LCMT1: variants seen among roughly 807,000 people sequenced by gnomAD.
The protein encoded by LCMT1 is [Phosphatase 2A protein]-leucine-carboxy methyltransferase 1.
In LCMT1, 32 loss-of-function variants were observed where a neutral mutation model predicts 47.7. The ratio of observed to expected loss-of-function variants is 0.67; its 90% confidence interval spans 0.51 to 0.90. The LOEUF is 0.90. Ranked by LOEUF, LCMT1 falls within the 40% of genes least tolerant of loss-of-function variation. The pLI, the probability that LCMT1 is intolerant of heterozygous loss-of-function variation, is 0.00. For missense variants in LCMT1, 375 were observed against 415.2 expected (o/e 0.90, Z 0.84); for synonymous variants, 152 against 149.7 (o/e 1.02, Z -0.11).
intron 9 of LCMT1, among the ~76,000 whole-genome samples, chr16:25,174,579 G>A (rs571793323): frequency 1.3e-5 from 2 of 152,248 alleles, no homozygotes; most frequent in South Asian, 4.1e-4. Context: ...GCTGCATAGT[G>A]TCCTGTTTTG....
chr16:25,135,903 C>G (rs1960489342), intron 3 of LCMT1, among the ~76,000 whole-genome samples: 1 of 151,862 alleles, frequency 6.6e-6, no homozygotes, highest in Non-Finnish European at 1.5e-5. Context: ...CCAGCCTGGG[C>G]ATCATGACAA....
chr16:25,139,047 C>T (rs1960593231), intron 3 of LCMT1, among the ~76,000 whole-genome samples: 1 of 152,060 alleles, frequency 6.6e-6, no homozygotes, highest in Non-Finnish European at 1.5e-5. Flanking sequence ...TCAAGCAATT[C>T]TCCTGCCTCA....
intron 3 of LCMT1, among the ~76,000 whole-genome samples, chr16:25,139,306 A>G (rs1960603839): frequency 6.6e-6 from 1 of 151,966 alleles, no homozygotes; most frequent in Non-Finnish European, 1.5e-5. Flanking sequence ...GGTTTGAGCC[A>G]CTCCAGCTCC....
intron 7 of LCMT1, among the ~76,000 whole-genome samples, chr16:25,165,379 T>A (rs1179014858): frequency 6.6e-6 from 1 of 152,240 alleles, no homozygotes; most frequent in African/African-American, 2.4e-5. Flanking sequence ...TGGCCCTGGC[T>A]TGTGCTCTCA....
intron 7 of LCMT1, among the ~76,000 whole-genome samples, chr16:25,165,322 C>A (rs1961554517): frequency 6.6e-6 from 1 of 152,126 alleles, no homozygotes. Flanking sequence ...TGATTTATTG[C>A]AGAAAAAGTT....
intron 1 of LCMT1, among the ~76,000 whole-genome samples, chr16:25,119,073 C>G (rs1226929022): frequency 1.3e-5 from 2 of 152,182 alleles, no homozygotes; most frequent in African/African-American, 4.8e-5. Flanking sequence ...CCCTGTGAGA[C>G]AGGCTGGTGC....
intron 10 of LCMT1, among the ~76,000 whole-genome samples, chr16:25,177,160 A>G (rs1009502158): frequency 1.4e-4 from 18 of 132,886 alleles, no homozygotes; most frequent in Non-Finnish European, 2.8e-4. Context: ...AGCCTGGGCA[A>G]CAGAGCGCGA....
At chr16:25,119,996 T>TA (rs1456629758) in intron 1 of LCMT1, among the ~76,000 whole-genome samples, 2 of 151,566 alleles carry the variant, frequency 1.3e-5, no homozygotes, top group Admixed American at 1.3e-4. Context: ...CCGTCTCTAC[T>TA]AAAAATACAA....
chr16:25,172,861 T>G (rs889465796), intron 9 of LCMT1, among the ~76,000 whole-genome samples: 3 of 152,174 alleles, frequency 2.0e-5, no homozygotes, highest in African/African-American at 7.2e-5. Flanking sequence ...GCCCCTGAAA[T>G]GGGGATGCTC....
intron 5 of LCMT1, among the ~76,000 whole-genome samples, chr16:25,155,960 G>A (rs1259166625): frequency 6.6e-6 from 1 of 152,172 alleles, no homozygotes; most frequent in Non-Finnish European, 1.5e-5. Context: ...GATTAAGGGC[G>A]TGAGCCCCCG....
chr16:25,148,611 G>A (rs1008875608), intron 4 of LCMT1: 3 of 152,456 alleles, frequency 2.0e-5, no homozygotes, highest in African/African-American at 7.2e-5. Flanking sequence ...AAAGGAAGAA[G>A]GAAAAAGACA....
At chr16:25,139,033 G>T (rs1018045865) in intron 3 of LCMT1, among the ~76,000 whole-genome samples, 1 of 151,862 alleles carries the variant, frequency 6.6e-6, no homozygotes, top group Non-Finnish European at 1.5e-5. Context: ...TCCGTTTCCC[G>T]GGTTCAAGCA....
chr16:25,152,175 T>C (rs1393258032), intron 5 of LCMT1, among the ~76,000 whole-genome samples: 2 of 152,138 alleles, frequency 1.3e-5, no homozygotes, highest in Non-Finnish European at 2.9e-5. Context: ...GAAGGAATGC[T>C]GGTTGACCAT....
intron 9 of LCMT1, 90 bp from the exon 10 acceptor site, chr16:25,174,847 A>G (rs1961880323): frequency 8.8e-6 from 5 of 568,814 alleles, no homozygotes; most frequent in Non-Finnish European, 1.5e-5. Flanking sequence ...TTAATCTATC[A>G]TAAACATTTT....
intron 2 of LCMT1, chr16:25,132,079 C>G: frequency 2.4e-6 from 1 of 425,234 alleles, no homozygotes; most frequent in South Asian, 1.9e-5. Context: ...TTCATTATAG[C>G]CATGAAAGGC....
intron 3 of LCMT1, among the ~76,000 whole-genome samples, chr16:25,138,359 G>T (rs80306444): frequency 6.6e-6 from 1 of 152,142 alleles, no homozygotes; most frequent in Admixed American, 6.5e-5. Flanking sequence ...GAGGAGTGAA[G>T]GGATTCCAGA....
intron 9 of LCMT1, among the ~76,000 whole-genome samples, chr16:25,172,523 CT>C (rs1159278073): frequency 6.6e-6 from 1 of 152,092 alleles, no homozygotes; most frequent in Non-Finnish European, 1.5e-5. Flanking sequence ...CACTTCAGCT[CT>C]TTTTTTTGTA....
At position 25,121,226 on chromosome 16, in the gene LCMT1, A is replaced by G. The variant is rs796897929; in HGVS notation, c.114-7249A>G. On this transcript the variant is annotated intron_variant, in intron 1 of 10. Coordinates refer to ENST00000399069, the MANE Select transcript of LCMT1 (RefSeq NM_016309.3). ...GTGGATTGAGACCATCCTGGCCAAC[A>G]TGGTGAAACCCCGTCTCTACTAAAA... 1.1e-4 allele frequency among the ~76,000 whole-genome samples: 17 copies of G among 151,256 alleles called. 1 individual carries two copies. Among genetic ancestry groups the G allele is most frequent in the African/African-American group, 4.2e-4 (17 of 40,798 alleles).
chr16:25,116,738 CA>C (rs1419857041), intron 1 of LCMT1, among the ~76,000 whole-genome samples: 1 of 143,542 alleles, frequency 7.0e-6, no homozygotes, highest in South Asian at 2.2e-4. Context: ...AAAAAAAATA[CA>C]AAAAATTAAC....
Sources: allele counts gnomAD v4.1 joint callset (sites outside exome capture counted in the v4.1 genomes callset), GRCh38; gene constraint gnomAD v4.1.1; transcripts MANE v1.5; gene names NCBI Gene and HGNC (gene_info 2026-07-23, HGNC 2026-07-21).